CD2: variants seen among roughly 807,000 people sequenced by gnomAD.
The protein encoded by CD2 is CD2 molecule.
In CD2, 18 loss-of-function variants were observed where a neutral mutation model predicts 23.2. That is an observed-to-expected ratio of 0.77 (90% CI 0.54 to 1.15). The LOEUF is 1.15. Ranked by LOEUF, CD2 falls within the 50% of genes most tolerant of loss-of-function variation. The pLI is 0.00. For synonymous variants in CD2, 162 were observed against 151.9 expected, an observed-to-expected ratio of 1.07 and a Z score of -0.49; for missense variants, 424 against 423.1, an observed-to-expected ratio of 1.00 and a Z score of -0.02.
chr1:116,763,143 C>T (rs1652109348), intron 3 of CD2, among the ~76,000 whole-genome samples: 1 of 152,236 alleles, frequency 6.6e-6, no homozygotes, highest in East Asian at 1.9e-4. Context: ...AAGATTATGT[C>T]TGCTTCTCTG....
chr1:116,758,319 G>A (rs1651925994), intron 2 of CD2, among the ~76,000 whole-genome samples: 1 of 152,034 alleles, frequency 6.6e-6, no homozygotes, highest in Admixed American at 6.5e-5. Context: ...CCCAGCATGA[G>A]CACAGGCCAG....
At chr1:116,759,345 A>G (rs1054977737) in intron 2 of CD2, among the ~76,000 whole-genome samples, 2 of 152,122 alleles carry the variant, frequency 1.3e-5, no homozygotes, top group Non-Finnish European at 2.9e-5. Context: ...TCATTGAAAA[A>G]TAAGCTAGTC....
chr1:116,764,466 C>G lies in CD2; in HGVS notation c.614-18C>G. On this transcript the variant is annotated intron_variant, in intron 3 of 4. Transcript: ENST00000369478. ...GCCTGGACCCCTCCCAGCCATCCCA[C>G]TTCTCTTCCTTTTGCAGAGAAAGGT... 1 of 1,612,878 alleles carries G rather than the reference C, an allele frequency of 6.2e-7. No individual in the cohort carries two copies. Among genetic ancestry groups the G allele is most frequent in the Non-Finnish European group, 8.5e-7 (1 of 1,179,396 alleles).
rs535404484 is a variant in CD2 at position 116,764,543 on chromosome 1, G to A, written c.673G>A (p.Val225Ile). 13 of 1,614,048 alleles carry A rather than the reference G, an allele frequency of 8.1e-6. No homozygotes were observed. In the South Asian group the frequency reaches 1.2e-4, roughly 15 times the overall value. Residue 225 changes from valine to isoleucine, a missense_variant, in exon 4 of 5, where the codon GTC (valine) becomes ATC (isoleucine). Transcript: ENST00000369478. ...GICGGGSLLMVFVALLVFYIT... is the reference protein window; with the variant it reads ...GICGGGSLLMIFVALLVFYIT... ...ATGTGGAGGAGGCAGCCTCTTGATGGTCTTTGTGGCACTGCTCGTTTTCTA... is the reference window on the plus strand; with the variant it reads ...ATGTGGAGGAGGCAGCCTCTTGATGATCTTTGTGGCACTGCTCGTTTTCTA...
intron 2 of CD2, 76 bp from the exon 3 acceptor site, chr1:116,760,326 C>T (rs1247995964): frequency 8.1e-6 from 9 of 1,116,306 alleles, no homozygotes; most frequent in Non-Finnish European, 1.2e-5. Flanking sequence ...GACTCCATCC[C>T]CCACTGTATA....
chr1:116,755,987 A>C (rs566691381), intron 2 of CD2, among the ~76,000 whole-genome samples: 1 of 152,276 alleles, frequency 6.6e-6, no homozygotes, highest in East Asian at 1.9e-4. Flanking sequence ...TGTGCTTCAC[A>C]CAGAAAATAT....
chr1:116,763,387 C>T (rs1056201989), intron 3 of CD2, among the ~76,000 whole-genome samples: 2 of 152,186 alleles, frequency 1.3e-5, no homozygotes, highest in African/African-American at 4.8e-5. Flanking sequence ...TTTTGTGATG[C>T]TGGGCCAAGT....
intron 4 of CD2, 112 bp downstream of exon 4, chr1:116,764,718 G>T: frequency 1.2e-6 from 1 of 812,464 alleles, no homozygotes. Flanking sequence ...AGGTAGTTTC[G>T]GAATGTCAGG....
At chr1:116,764,127 C>T (rs891498206) in intron 3 of CD2, among the ~76,000 whole-genome samples, 4 of 152,010 alleles carry the variant, frequency 2.6e-5, no homozygotes, top group Non-Finnish European at 5.9e-5. Flanking sequence ...CTCTCAGGGC[C>T]TCATGTTTGA....
intron 3 of CD2, among the ~76,000 whole-genome samples, chr1:116,763,818 C>A (rs1201137488): frequency 6.6e-6 from 1 of 152,172 alleles, no homozygotes; most frequent in African/African-American, 2.4e-5. Flanking sequence ...GGTCCAGCAA[C>A]TGAAGACTAA....
intron 2 of CD2, among the ~76,000 whole-genome samples, chr1:116,756,315 C>A (rs368552384): frequency 6.6e-6 from 1 of 152,188 alleles, no homozygotes; most frequent in Non-Finnish European, 1.5e-5. Context: ...CGCGGGGGAC[C>A]ATGCTGGTGT....
intron 4 of CD2, 72 bp downstream of exon 4, chr1:116,764,678 C>A: frequency 8.1e-6 from 9 of 1,106,836 alleles, no homozygotes; most frequent in Non-Finnish European, 9.7e-6. Context: ...GGGGATGACA[C>A]CTTGAATCTG....
At chr1:116,765,185 A>C (rs553667822) in intron 4 of CD2, among the ~76,000 whole-genome samples, 2 of 152,314 alleles carry the variant, frequency 1.3e-5, no homozygotes, top group East Asian at 3.9e-4. Flanking sequence ...TTATGCTTGC[A>C]AGTGGGGAGC....
intron 4 of CD2, among the ~76,000 whole-genome samples, chr1:116,766,385 G>T (rs1652214856): frequency 1.3e-5 from 2 of 152,216 alleles, no homozygotes; most frequent in East Asian, 3.8e-4. Context: ...GAGCTCATGT[G>T]CCTCTGTCTA....
At chr1:116,756,989 CTCTTT>C (rs1178615023) in intron 2 of CD2, among the ~76,000 whole-genome samples, 5 of 144,414 alleles carry the variant, frequency 3.5e-5, no homozygotes, top group Non-Finnish European at 6.0e-5. Context: ...CTCCAAGCTT[CTCTTT>C]TTTTTTTTTT....
chr1:116,754,725 T>A lies in CD2; in HGVS notation c.156T>A (p.Asp52Glu). 1.2e-6 allele frequency: 2 copies of A among 1,613,286 alleles called. No individual in the cohort carries two copies. Among genetic ancestry groups the A allele is most frequent in the Non-Finnish European group, 1.7e-6 (2 of 1,179,618 alleles). Reference protein sequence around the residue: ...NLDIPSFQMSDDIDDIKWEKT... With the variant: ...NLDIPSFQMSEDIDDIKWEKT... ...ACATTCCTAGTTTTCAAATGAGTGA[T>A]GATATTGACGATATAAAATGGGAAA... Residue 52 changes from aspartate to glutamate, a missense_variant, in exon 2 of 5, where the codon GAT (aspartate) becomes GAA (glutamate). Transcript: ENST00000369478.
At chr1:116,761,369 C>G (rs1002339356) in intron 3 of CD2, among the ~76,000 whole-genome samples, 3 of 152,108 alleles carry the variant, frequency 2.0e-5, no homozygotes, top group African/African-American at 7.2e-5. Context: ...GAGTTTCTTC[C>G]CCTCTCTAGG....
chr1:116,768,593 G>T lies in CD2; in HGVS notation c.866G>T (p.Arg289Leu). The T allele has an allele frequency of 1.2e-6, 2 of 1,613,952 alleles. No individual in the cohort carries two copies. Among genetic ancestry groups the T allele is most frequent in the Non-Finnish European group, 1.7e-6 (2 of 1,180,010 alleles). Reference sequence around the variant, plus strand: ...CATCCTCCTCCACCACCTGGTCATCGTTCCCAGGCACCTAGTCATCGTCCC... The same window carrying T: ...CATCCTCCTCCACCACCTGGTCATCTTTCCCAGGCACCTAGTCATCGTCCC... ...SQHPPPPPGH[R>L]SQAPSHRPPP... Residue 289 changes from arginine to leucine, a missense_variant, in exon 5 of 5, where the codon CGT becomes CTT. By Grantham distance (102) the Arg-to-Leu change is moderately radical (BLOSUM62 -2). Transcript: ENST00000369478.
chr1:116,760,268 T>A, intron 2 of CD2, 134 bp from the exon 3 acceptor site: 1 of 648,116 alleles, frequency 1.5e-6, no homozygotes, highest in Non-Finnish European at 2.7e-6. Flanking sequence ...ATAAAATAAT[T>A]TCCAAAAGTT....
Sources: gnomAD v4.1 joint callset for allele counts (sites outside exome capture counted in the v4.1 genomes callset) on GRCh38, gnomAD v4.1.1 for gene constraint, MANE v1.5 for transcripts, NCBI Gene and HGNC (gene_info 2026-07-23, HGNC 2026-07-21) for gene names.